The following DNAH11 variants were observed in gnomAD, a reference collection of about 807,000 sequenced individuals.
The protein encoded by DNAH11 is dynein axonemal heavy chain 11.
In DNAH11, 442 loss-of-function variants were observed where a neutral mutation model predicts 526.0. The ratio of observed to expected loss-of-function variants is 0.84; its 90% CI spans 0.78 to 0.91. The LOEUF (loss-of-function observed/expected upper bound fraction) is 0.91. Among genes scored for constraint, DNAH11 ranks in the 40% least tolerant of loss-of-function variants. The pLI is 0.00. For missense variants in DNAH11, 6,989 were observed against 5,448.7 expected (o/e 1.28, Z -8.90); for synonymous variants, 2,461 against 1,935.9 (o/e 1.27, Z -7.12).
In DNAH11 at chr7:21,881,022, C is replaced by G. The variant is rs1783905688; in HGVS notation, c.12387+129C>G. The G allele has an allele frequency of 3.6e-6, 3 of 837,736 alleles. No individual in the cohort carries two copies. In the African/African-American group the frequency reaches 5.3e-5, roughly 15 times the overall value. The allele number at this position is 837,736 out of a possible 1,614,324, so 51.9% of individuals were successfully genotyped here. A position where few individuals can be genotyped will look rare whatever the true frequency, so the allele number is the denominator to read the frequency against. ...GAAATAGCTGACACTATGTATGTAT[C>G]TTCTGCCAAGTGTGAAAATAAACCA... On this transcript the variant is annotated intron_variant, in intron 75 of 81. Coordinates refer to ENST00000409508, the MANE Select transcript of DNAH11 (RefSeq NM_001277115.2).
At chr7:21,775,786 G>T (rs532389579) in intron 56 of DNAH11, among the ~76,000 whole-genome samples, 1 of 152,172 alleles carries the variant, frequency 6.6e-6, no homozygotes, top group South Asian at 2.1e-4. Context: ...AGTCCTGTTG[G>T]GCTAGATAAG....
chr7:21,582,686 A>C (rs1384708018), intron 9 of DNAH11, among the ~76,000 whole-genome samples: 2 of 152,186 alleles, frequency 1.3e-5, no homozygotes, highest in African/African-American at 2.4e-5. Context: ...TAGCAACACC[A>C]TGTAAAACTT....
chr7:21,901,347 T>C lies in DNAH11; in HGVS notation c.*93T>C, dbSNP rs1255783941. On this transcript the variant is annotated 3_prime_UTR_variant, in exon 82 of 82. Transcript: ENST00000409508. The stretch of plus-strand genomic sequence containing the variant: ...GTTCCCATGCACATTATTCTAACTT[T>C]TTAGTAACTCACACGTGCATTCTTT... 3 of 1,385,104 alleles carry C rather than the reference T, an allele frequency of 2.2e-6. No individual in the cohort carries two copies. The highest frequency in any genetic ancestry group is 2.5e-5 in the East Asian group (1 of 40,374). 85.8% of individuals were successfully genotyped at this position (1,385,104 alleles called of 1,614,324 possible).
At position 21,600,105 on chromosome 7, in the gene DNAH11, A is replaced by G; in HGVS notation, c.2986A>G (p.Ile996Val). ...QMNRIATHLE[I>V]KNYQNDMDNM... is the part of the protein sequence containing the mutation. ...GAACCGAATAGCAACACACCTGGAA[A>G]TTAAAAATTATCAGGTATTTTCTTA... Residue 996 changes from isoleucine to valine, a missense_variant, in exon 15 of 82, where the codon ATT becomes GTT. Coordinates refer to ENST00000409508, the MANE Select transcript of DNAH11 (RefSeq NM_001277115.2). 6.5e-7 allele frequency: 1 copy of G among 1,536,552 alleles called. No individual in the cohort carries two copies. The highest frequency in any genetic ancestry group is 8.8e-7 in the Non-Finnish European group (1 of 1,140,434).
At chr7:21,829,040 T>C (rs1790434044) in intron 65 of DNAH11, among the ~76,000 whole-genome samples, 1 of 152,190 alleles carries the variant, frequency 6.6e-6, no homozygotes, top group African/African-American at 2.4e-5. Context: ...CCGCTGAGGT[T>C]GCTAAGTAAC....
chr7:21,554,970 G>C (rs576944672), intron 2 of DNAH11, among the ~76,000 whole-genome samples: 1 of 152,290 alleles, frequency 6.6e-6, no homozygotes, highest in South Asian at 2.1e-4. Flanking sequence ...TAACCCTCCT[G>C]CTGCCCCTTG....
chr7:21,580,104 C>G (rs1273231560), intron 8 of DNAH11, among the ~76,000 whole-genome samples: 2 of 152,100 alleles, frequency 1.3e-5, no homozygotes, highest in African/African-American at 4.8e-5. Flanking sequence ...GGAGAGGTCC[C>G]ACGTGCAGTT....
intron 25 of DNAH11, among the ~76,000 whole-genome samples, chr7:21,627,794 T>C (rs1368254210): frequency 6.6e-6 from 1 of 152,178 alleles, no homozygotes; most frequent in Non-Finnish European, 1.5e-5. Flanking sequence ...TTTTGAAACT[T>C]TTTCTATTTC....
intron 2 of DNAH11, among the ~76,000 whole-genome samples, chr7:21,552,858 G>A (rs999235488): frequency 2.0e-5 from 3 of 152,106 alleles, no homozygotes; most frequent in African/African-American, 7.2e-5. Context: ...ATCTTACTGA[G>A]GAGGGTGTAG....
chr7:21,856,268 A>T (rs1014830350), intron 68 of DNAH11, among the ~76,000 whole-genome samples: 2 of 152,222 alleles, frequency 1.3e-5, no homozygotes, highest in African/African-American at 4.8e-5. Flanking sequence ...ACTCAGAGTT[A>T]CGTGAACAGA....
Position 21,784,467 on chromosome 7 carries a change from A to C in DNAH11, c.9524A>C (p.Glu3175Ala). Residue 3175 changes from glutamate to alanine, a missense_variant, in exon 58 of 82, where the codon GAA becomes GCA. Glu to Ala is a moderately radical substitution (Grantham distance 107). Coordinates refer to ENST00000409508, the MANE Select transcript of DNAH11 (RefSeq NM_001277115.2). Reference sequence around the variant, plus strand: ...ACTGAAGTGTTCCAGAAACAGAGAGAATGTGAAGCTGACTTACTCAAGGCT... The same window carrying C: ...ACTGAAGTGTTCCAGAAACAGAGAGCATGTGAAGCTGACTTACTCAAGGCT... ...IQTEVFQKQR[E>A]CEADLLKAEP... 1.2e-6 allele frequency: 2 copies of C among 1,613,592 alleles called. No individual in the cohort carries two copies. The highest frequency in any genetic ancestry group is 1.7e-6 in the Non-Finnish European group (2 of 1,179,704).
At chr7:21,895,855 G>C (rs376994546) in intron 79 of DNAH11, among the ~76,000 whole-genome samples, 2 of 151,970 alleles carry the variant, frequency 1.3e-5, no homozygotes, top group Non-Finnish European at 2.9e-5. Flanking sequence ...TCAGCCTCCC[G>C]AGTAGCTGGG....
chr7:21,892,549 C>A lies in DNAH11; in HGVS notation c.12632C>A (p.Pro4211Gln), dbSNP rs142585703. 1 of 1,613,954 alleles carries A rather than the reference C, an allele frequency of 6.2e-7. No individual in the cohort carries two copies. Among genetic ancestry groups the A allele is most frequent in the South Asian group, 1.1e-5 (1 of 91,078 alleles). Residue 4211 changes from proline (P) to glutamine (Q), a missense_variant, in exon 77 of 82, where the codon CCA becomes CAA. Physicochemically the swap from Pro to Gln is moderately conservative, Grantham distance 76 (BLOSUM62 -1). Coordinates refer to ENST00000409508, the MANE Select transcript of DNAH11 (RefSeq NM_001277115.2). ...AGCCCGGCACTGTATGGCCTCCACC[C>A]AAATGCTGAAATAGAATTCCTGACA... ...PESPALYGLH[P>Q]NAEIEFLTVT...
intron 65 of DNAH11, among the ~76,000 whole-genome samples, chr7:21,832,774 C>T (rs1014024280): frequency 6.6e-6 from 1 of 152,084 alleles, no homozygotes; most frequent in Admixed American, 6.5e-5. Context: ...AGCCTGGGAA[C>T]CAAGAATGGC....
At chr7:21,640,346 A>T (rs1269322614) in intron 28 of DNAH11, among the ~76,000 whole-genome samples, 1 of 152,224 alleles carries the variant, frequency 6.6e-6, no homozygotes, top group Non-Finnish European at 1.5e-5. Context: ...CCAGCAGCTG[A>T]ACCCTCTGCC....
At chr7:21,578,589 G>C (rs554734792) in intron 8 of DNAH11, among the ~76,000 whole-genome samples, 62 of 152,312 alleles carry the variant, frequency 4.1e-4, no homozygotes, top group Admixed American at 2.1e-3. Context: ...TCTTCTCACA[G>C]CTCCACTAGG....
rs141572016 is a variant in DNAH11, at chr7:21,655,820, T to C, written c.4945-12T>C. ...AGAAATGTTCTTATCTTTTCTAATATTCTCATTTTAGGTAACATGTCACCT... is the reference window on the plus strand; with the variant it reads ...AGAAATGTTCTTATCTTTTCTAATACTCTCATTTTAGGTAACATGTCACCT... On this transcript the variant is annotated splice_polypyrimidine_tract_variant and intron_variant, in intron 28 of 81. Transcript: ENST00000409508. 3.8e-4 allele frequency: 606 copies of C among 1,609,516 alleles called. 3 individuals are homozygous for C. In the Middle Eastern group the frequency reaches 0.011, roughly 28 times the overall value.
chr7:21,868,839 C>G (rs766033037), intron 72 of DNAH11, 25 bp from the exon 73 acceptor site: 39 of 1,613,470 alleles, frequency 2.4e-5, no homozygotes, highest in Non-Finnish European at 3.1e-5. Flanking sequence ...GACATTTCCT[C>G]TCACCGTGGT....
chr7:21,772,974 CT>C (rs1486376808), intron 55 of DNAH11, among the ~76,000 whole-genome samples: 1 of 152,180 alleles, frequency 6.6e-6, no homozygotes, highest in Non-Finnish European at 1.5e-5. Flanking sequence ...TTATGTGTGA[CT>C]TTCCTAAGAG....
Sources: gnomAD v4.1 joint callset for allele counts (sites outside exome capture counted in the v4.1 genomes callset) on GRCh38, gnomAD v4.1.1 for gene constraint, MANE v1.5 for transcripts, NCBI Gene and HGNC (gene_info 2026-07-23, HGNC 2026-07-21) for gene names.